The following GOLIM4 variants were observed in gnomAD, a reference collection of about 807,000 sequenced individuals.
GOLIM4 encodes golgi integral membrane protein 4, also known as 130 kDa golgi-localized phosphoprotein.
GOLIM4 carries 71 observed loss-of-function variants against 107.4 expected under a neutral mutation model. That is an observed-to-expected ratio of 0.66 (90% CI 0.55 to 0.81). The LOEUF is 0.81. Among genes scored for constraint, GOLIM4 ranks in the 30% least tolerant of loss-of-function variants. The pLI, the probability that GOLIM4 is intolerant of heterozygous loss-of-function variation, is 0.00. For missense variants in GOLIM4, 830 were observed against 826.1 expected, an observed-to-expected ratio of 1.00 and a Z score of -0.06; for synonymous variants, 327 against 294.8, an observed-to-expected ratio of 1.11 and a Z score of -1.12.
chr3:168,054,896 A>AT (rs1397968260), intron 1 of GOLIM4, among the ~76,000 whole-genome samples: 1 of 152,050 alleles, frequency 6.6e-6, no homozygotes, highest in Non-Finnish European at 1.5e-5. Flanking sequence ...ATGAGAGTGA[A>AT]TAAGTCTCAT....
intron 1 of GOLIM4, among the ~76,000 whole-genome samples, chr3:168,084,841 A>G (rs1394079447): frequency 2.6e-5 from 4 of 152,194 alleles, no homozygotes; most frequent in Non-Finnish European, 5.9e-5. Flanking sequence ...AAGGGCTTAA[A>G]TGAAAGTGAG....
At chr3:168,047,708 C>T (rs11719140) in intron 2 of GOLIM4, among the ~76,000 whole-genome samples, 32,065 of 152,080 alleles carry the variant, frequency 0.21, 3,861 homozygotes, top group Middle Eastern at 0.3. Context: ...CTGTATAAGG[C>T]CTGTGTTTTA....
intron 14 of GOLIM4, among the ~76,000 whole-genome samples, chr3:168,012,139 G>GGA (rs1717078638): frequency 9.0e-5 from 10 of 110,798 alleles, no homozygotes. Context: ...TGAAAACTTT[G>GGA]AAAAAAATTT....
chr3:168,067,435 C>T (rs530993865), intron 1 of GOLIM4, among the ~76,000 whole-genome samples: 1 of 151,356 alleles, frequency 6.6e-6, no homozygotes, highest in South Asian at 2.1e-4. Context: ...CAAACACACA[C>T]GCACACACAC....
chr3:168,079,488 C>G (rs897627972), intron 1 of GOLIM4, among the ~76,000 whole-genome samples: 3 of 152,108 alleles, frequency 2.0e-5, no homozygotes, highest in Non-Finnish European at 2.9e-5. Context: ...GCTGGTTATA[C>G]AGTTGTGTTT....
chr3:168,057,357 C>G (rs1720034639), intron 1 of GOLIM4, among the ~76,000 whole-genome samples: 1 of 152,158 alleles, frequency 6.6e-6, no homozygotes, highest in African/African-American at 2.4e-5. Context: ...ATGTATTAGT[C>G]TATTCTCATA....
At chr3:168,074,105 C>T (rs533752416) in intron 1 of GOLIM4, among the ~76,000 whole-genome samples, 43 of 152,160 alleles carry the variant, frequency 2.8e-4, no homozygotes, top group Non-Finnish European at 2.9e-4. Context: ...CGAGGAGGGG[C>T]GCACACAGAG....
chr3:168,012,138 T>G lies in GOLIM4; in HGVS notation c.1861-1315A>C, dbSNP rs551841997. Among the ~76,000 whole-genome samples, 16 of 113,580 alleles carry G rather than the reference T, an allele frequency of 1.4e-4. No homozygotes were observed. The South Asian group carries it at 3.6e-3, about 26-fold the overall frequency. 74.5% of individuals were successfully genotyped at this position (113,580 alleles called of 152,430 possible). ...CCAAAGGCAAAGAAGTTGAAAACTT[T>G]GAAAAAAATTTAGAAGAATGTATAA... On this transcript the variant is annotated intron_variant, in intron 14 of 15. Transcript: ENST00000470487.
Position 168,069,621 on chromosome 3 carries a change from T to G in GOLIM4, c.188-21256A>C, listed in dbSNP as rs558903317. 1.4e-3 allele frequency among the ~76,000 whole-genome samples: 213 copies of G among 152,348 alleles called. 1 individual carries two copies. Among genetic ancestry groups the G allele is most frequent in the African/African-American group, 5.1e-3 (211 of 41,590 alleles). ...AAGCTTTCTATTTAACATTGCCACC[T>G]AAATTCACCAGAATATTTCATTTCC... On this transcript the variant is annotated intron_variant, in intron 1 of 15. Transcript: ENST00000470487.
In GOLIM4 at chr3:168,027,933, C is replaced by A. The variant is rs73878614; in HGVS notation, c.1514-96G>T. The A allele has an allele frequency of 7.6e-3, 5,695 of 749,648 alleles. 208 individuals carry two copies. The African/African-American group carries it at 0.089, about 12-fold the overall frequency. 46.4% of individuals were successfully genotyped at this position (749,648 alleles called of 1,614,324 possible). A position where few individuals can be genotyped will look rare whatever the true frequency, so the allele number is the denominator to read the frequency against. On this transcript the variant is annotated intron_variant, in intron 11 of 15. Transcript: ENST00000470487. ...AGCCACCAGTGGACTTTTCTACAGA[C>A]TACAATACCTCCACCTCTGTTAACT...
At chr3:168,018,583 T>A (rs1380954019) in intron 14 of GOLIM4, among the ~76,000 whole-genome samples, 1 of 152,190 alleles carries the variant, frequency 6.6e-6, no homozygotes, top group Non-Finnish European at 1.5e-5. Flanking sequence ...CACCTTATGG[T>A]TCTATCAGTG....
chr3:168,092,268 G>A (rs1721952544), intron 1 of GOLIM4, among the ~76,000 whole-genome samples: 1 of 152,202 alleles, frequency 6.6e-6, no homozygotes, highest in Non-Finnish European at 1.5e-5. Flanking sequence ...TAAGGTGCCA[G>A]TATGGGAGAT....
chr3:168,067,461 AAG>A (rs1720608140), intron 1 of GOLIM4, among the ~76,000 whole-genome samples: 1 of 151,456 alleles, frequency 6.6e-6, no homozygotes, highest in Admixed American at 6.6e-5. Context: ...ACAATACAAA[AAG>A]AGCAAAAACC....
chr3:168,083,940 G>T (rs1485511790), intron 1 of GOLIM4, among the ~76,000 whole-genome samples: 2 of 152,152 alleles, frequency 1.3e-5, no homozygotes, highest in African/African-American at 4.8e-5. Context: ...CCACTTCCAA[G>T]ATTAGGTTAT....
At chr3:168,016,558 T>C (rs1717375557) in intron 14 of GOLIM4, among the ~76,000 whole-genome samples, 1 of 133,238 alleles carries the variant, frequency 7.5e-6, no homozygotes, top group Non-Finnish European at 1.5e-5. Flanking sequence ...ACCCAAAGGA[T>C]TATAAATCAT....
At chr3:168,054,317 C>T (rs940215369) in intron 1 of GOLIM4, among the ~76,000 whole-genome samples, 2 of 152,230 alleles carry the variant, frequency 1.3e-5, no homozygotes, top group African/African-American at 2.4e-5. Context: ...AGGGCCTTAC[C>T]CCATCGTTCA....
chr3:168,035,292 A>G (rs1234997097), intron 8 of GOLIM4, among the ~76,000 whole-genome samples: 1 of 152,188 alleles, frequency 6.6e-6, no homozygotes, highest in African/African-American at 2.4e-5. Context: ...GACTCAGCAA[A>G]ATCCCATTAC....
At chr3:168,079,625 G>A (rs925344694) in intron 1 of GOLIM4, among the ~76,000 whole-genome samples, 4 of 151,910 alleles carry the variant, frequency 2.6e-5, no homozygotes, top group African/African-American at 7.3e-5. Flanking sequence ...ATTTGGTTGC[G>A]CTATACACAT....
At chr3:168,064,080 CA>C (rs1174087619) in intron 1 of GOLIM4, among the ~76,000 whole-genome samples, 1 of 152,180 alleles carries the variant, frequency 6.6e-6, no homozygotes, top group African/African-American at 2.4e-5. Context: ...GTGAGATTGG[CA>C]TTTGCCTTCA....
Sources: gnomAD v4.1 joint callset for allele counts (sites outside exome capture counted in the v4.1 genomes callset) on GRCh38, gnomAD v4.1.1 for gene constraint, MANE v1.5 for transcripts, NCBI Gene and HGNC (gene_info 2026-07-23, HGNC 2026-07-21) for gene names.